The following CSMD1 variants were observed in gnomAD, a reference collection of about 807,000 sequenced individuals.
CSMD1 encodes CUB and sushi domain-containing protein 1.
CSMD1 carries 213 observed loss-of-function variants against 417.5 expected under a neutral mutation model. That is an observed-to-expected ratio of 0.51 (90% CI 0.46 to 0.57). The LOEUF (loss-of-function observed/expected upper bound fraction) is 0.57, where lower values mean the gene tolerates loss of function less well. Among genes scored for constraint, CSMD1 ranks in the 20% least tolerant of loss-of-function variants. The probability of loss-of-function intolerance (pLI) is 0.00; values close to 1 mark genes in which losing one functional copy is unlikely to be tolerated. For missense variants in CSMD1, 6,923 were observed against 4,529.7 expected (o/e 1.53, Z -15.17); for synonymous variants, 2,862 against 1,736.8 (o/e 1.65, Z -16.11).
At chr8:3,541,025 C>T (rs1376603234) in intron 10 of CSMD1, among the ~76,000 whole-genome samples, 1 of 152,224 alleles carries the variant, frequency 6.6e-6, no homozygotes, top group East Asian at 1.9e-4. Flanking sequence ...AATCCCATTA[C>T]TGGGTATATA....
chr8:4,900,821 A>G (rs1436930860), intron 1 of CSMD1, among the ~76,000 whole-genome samples: 1 of 152,202 alleles, frequency 6.6e-6, no homozygotes, highest in African/African-American at 2.4e-5. Flanking sequence ...TGACACATGA[A>G]TTCTCACGGC....
chr8:4,325,896 GAATAT>G (rs1390752290), intron 3 of CSMD1, among the ~76,000 whole-genome samples: 10 of 152,260 alleles, frequency 6.6e-5, no homozygotes, highest in Middle Eastern at 3.4e-3. Flanking sequence ...CACATGGTCA[GAATAT>G]AATAGAGCAG....
At chr8:4,191,968 G>A (rs565555163) in intron 3 of CSMD1, among the ~76,000 whole-genome samples, 28 of 152,244 alleles carry the variant, frequency 1.8e-4, no homozygotes, top group African/African-American at 5.3e-4. Flanking sequence ...CAAAACACCC[G>A]TAGAGGAACA....
Position 4,905,773 on chromosome 8 carries a change from TTG to T in CSMD1, c.85+88557_85+88558del, listed in dbSNP as rs1805218342. ...AGGCGGAGCTTGCAGTGAGCCGAGATTGTGCCACTGCACTCCAGCCTGGGCCA... is the reference window on the plus strand; with the variant it reads ...AGGCGGAGCTTGCAGTGAGCCGAGATTGCCACTGCACTCCAGCCTGGGCCA... On this transcript the variant is annotated intron_variant, in intron 1 of 69. Transcript: ENST00000635120. Among the ~76,000 whole-genome samples, 2 of 147,936 alleles carry T rather than the reference TTG, an allele frequency of 1.4e-5. 1 individual carries two copies. Among genetic ancestry groups the T allele is most frequent in the South Asian group, 4.3e-4 (2 of 4,684 alleles).
At chr8:4,883,252 G>C (rs2116965849) in intron 1 of CSMD1, among the ~76,000 whole-genome samples, 1 of 152,166 alleles carries the variant, frequency 6.6e-6, no homozygotes, top group Non-Finnish European at 1.5e-5. Flanking sequence ...TCAGATAAGA[G>C]AATGATGAAA....
At position 3,308,444 on chromosome 8, in the gene CSMD1, C is replaced by G. The variant is rs1446391271; in HGVS notation, c.3691G>C (p.Asp1231His). ...ACAGTGTCGGTAAAGTGGCCTTCAT[C>G]ACGGATCCTATAGCCGTAGTTAGGG... ...GIPNYGYRIRDEGHFTDTVVL... is the reference protein window; with the variant it reads ...GIPNYGYRIRHEGHFTDTVVL... Residue 1231 changes from aspartate to histidine, a missense_variant, in exon 24 of 70, where the codon GAT becomes CAT. Coordinates refer to ENST00000635120, the MANE Select transcript of CSMD1 (RefSeq NM_033225.6). The G allele has an allele frequency of 6.2e-7, 1 of 1,613,814 alleles. No individual in the cohort carries two copies. Among genetic ancestry groups the G allele is most frequent in the Non-Finnish European group, 8.5e-7 (1 of 1,179,812 alleles).
chr8:4,228,173 C>T (rs983114024), intron 3 of CSMD1, among the ~76,000 whole-genome samples: 2 of 152,212 alleles, frequency 1.3e-5, no homozygotes, highest in Non-Finnish European at 2.9e-5. Context: ...ACACCCCCTC[C>T]ACCCTGCATG....
chr8:4,884,091 G>A (rs552301742), intron 1 of CSMD1, among the ~76,000 whole-genome samples: 9 of 152,060 alleles, frequency 5.9e-5, no homozygotes, highest in Admixed American at 1.3e-4. Flanking sequence ...AAATGATATT[G>A]AACAAATTTC....
At chr8:4,310,048 T>C (rs1798473303) in intron 3 of CSMD1, among the ~76,000 whole-genome samples, 1 of 152,082 alleles carries the variant, frequency 6.6e-6, no homozygotes. Flanking sequence ...CAGAGGGTAA[T>C]GGAAAGATGA....
intron 1 of CSMD1, among the ~76,000 whole-genome samples, chr8:4,991,722 G>A (rs1033146646): frequency 1.3e-5 from 2 of 152,192 alleles, no homozygotes; most frequent in Admixed American, 6.5e-5. Flanking sequence ...GGTCACCCGG[G>A]CTTTGCTAGG....
chr8:4,640,004 A>G (rs1411823762), intron 1 of CSMD1, among the ~76,000 whole-genome samples: 1 of 152,220 alleles, frequency 6.6e-6, no homozygotes, highest in Non-Finnish European at 1.5e-5. Context: ...CAGTAAATCA[A>G]AAAAAGGGAA....
chr8:3,123,953 A>T (rs1215385010), intron 41 of CSMD1, among the ~76,000 whole-genome samples: 2 of 152,196 alleles, frequency 1.3e-5, no homozygotes, highest in Non-Finnish European at 2.9e-5. Context: ...AGGTAAAACT[A>T]GTGTTGAAGG....
At chr8:4,936,684 T>A (rs918764521) in intron 1 of CSMD1, among the ~76,000 whole-genome samples, 2 of 152,224 alleles carry the variant, frequency 1.3e-5, no homozygotes, top group African/African-American at 4.8e-5. Context: ...TGTCTATGAC[T>A]AGTAAATATT....
At chr8:3,723,578 T>C (rs969492555) in intron 6 of CSMD1, among the ~76,000 whole-genome samples, 9 of 152,220 alleles carry the variant, frequency 5.9e-5, no homozygotes, top group African/African-American at 1.2e-4. Flanking sequence ...TATTAGATAG[T>C]CTTTTTGCCA....
chr8:2,945,292 C>T (rs1446634346), intron 68 of CSMD1, among the ~76,000 whole-genome samples: 4 of 151,966 alleles, frequency 2.6e-5, no homozygotes, highest in Admixed American at 6.6e-5. Flanking sequence ...TTGCATTTTG[C>T]TTATGTGGCT....
chr8:4,189,118 A>T (rs1647306), intron 3 of CSMD1, among the ~76,000 whole-genome samples: 1 of 152,144 alleles, frequency 6.6e-6, no homozygotes, highest in Non-Finnish European at 1.5e-5. Context: ...GTTTACTCAA[A>T]CATGCCCTGT....
At chr8:3,189,811 T>G in intron 34 of CSMD1, 101 bp downstream of exon 34, 96 of 1,092,166 alleles carry the variant, frequency 8.8e-5, no homozygotes, top group Non-Finnish European at 1.2e-4. Context: ...AAATGGGTCA[T>G]GAGCCAGATG....
chr8:3,401,065 T>G (rs934731953), intron 15 of CSMD1, among the ~76,000 whole-genome samples: 10 of 151,832 alleles, frequency 6.6e-5, no homozygotes, highest in African/African-American at 2.4e-4. Flanking sequence ...AATTCAATTC[T>G]TTTGTTTTTT....
intron 1 of CSMD1, among the ~76,000 whole-genome samples, chr8:4,720,348 G>A (rs568441433): frequency 6.6e-6 from 1 of 152,184 alleles, no homozygotes; most frequent in Middle Eastern, 3.4e-3. Context: ...ATGGTACCAT[G>A]TATTATCTCA....
Sources: allele counts gnomAD v4.1 joint callset (sites outside exome capture counted in the v4.1 genomes callset), GRCh38; gene constraint gnomAD v4.1.1; transcripts MANE v1.5; gene names NCBI Gene and HGNC (gene_info 2026-07-23, HGNC 2026-07-21).